The following PIGS variants were observed in gnomAD, a reference collection of about 807,000 sequenced individuals.
PIGS encodes the protein phosphatidylinositol glycan anchor biosynthesis class S, also known as GPI-anchor transamidase component PIGS.
Under a neutral mutation model 58.2 loss-of-function variants are expected in PIGS, and 37 were observed. The ratio of observed to expected loss-of-function variants is 0.64; its 90% CI spans 0.49 to 0.84. PIGS has a LOEUF of 0.84. PIGS is among the 40% of genes least tolerant of loss of function. The pLI, the probability that PIGS is intolerant of heterozygous loss-of-function variation, is 0.00. For missense variants in PIGS, 629 were observed against 710.8 expected (o/e 0.88, Z 1.31); for synonymous variants, 269 against 289.2 (o/e 0.93, Z 0.71).
At chr17:28,571,216 G>A in intron 1 of PIGS, 28 bp from the exon 2 acceptor site, 2 of 1,606,164 alleles carry the variant, frequency 1.2e-6, no homozygotes, top group South Asian at 1.1e-5. Context: ...CGACTGAGGC[G>A]CTGGAAACGG....
intron 3 of PIGS, among the ~76,000 whole-genome samples, chr17:28,568,385 GAGCTACCACATCC>G (rs2070405871): frequency 6.6e-6 from 1 of 152,178 alleles, no homozygotes; most frequent in African/African-American, 2.4e-5. Flanking sequence ...TTACAGGTGT[GAGCTACCACATCC>G]AGCTTTGTCT....
intron 3 of PIGS, among the ~76,000 whole-genome samples, chr17:28,566,593 CT>C (rs959977540): frequency 0.11 from 14,106 of 131,334 alleles, 646 homozygotes; most frequent in African/African-American, 0.15. Flanking sequence ...GCCCAGCCTA[CT>C]TTTTTTTTTT....
chr17:28,556,979 T>C lies in PIGS; in HGVS notation c.935-7A>G. 6.2e-7 allele frequency: 1 copy of C among 1,613,670 alleles called. No homozygotes were observed. Among genetic ancestry groups the C allele is most frequent in the Non-Finnish European group, 8.5e-7 (1 of 1,179,850 alleles). ...AAGGAGGCAGCACTGGATCCTGTGG[T>C]ATAAAGGGAAAGCAGAATATCAAAA... On this transcript the variant is annotated splice_polypyrimidine_tract_variant and splice_region_variant and intron_variant, in intron 8 of 11. Coordinates refer to ENST00000308360, the MANE Select transcript of PIGS (RefSeq NM_033198.4).
intron 6 of PIGS, among the ~76,000 whole-genome samples, chr17:28,561,182 C>T (rs936852225): frequency 8.6e-5 from 13 of 151,780 alleles, no homozygotes; most frequent in Non-Finnish European, 1.9e-4. Context: ...GGCGTGAACC[C>T]GGGAGGCGGA....
chr17:28,569,005 A>C (rs901682839), intron 3 of PIGS, among the ~76,000 whole-genome samples: 10 of 151,818 alleles, frequency 6.6e-5, no homozygotes, highest in Non-Finnish European at 1.0e-4. Flanking sequence ...GCTGAGCCAG[A>C]AGAATCGTTT....
Position 28,571,115 on chromosome 17 carries a change from C to T in PIGS, c.108G>A (p.Trp36Ter), listed in dbSNP as rs1263517814. Residue 36 changes from tryptophan to a stop codon, truncating the protein, a stop_gained, in exon 2 of 12, where the codon TGG becomes TGA. Transcript: ENST00000308360. LOFTEE classifies it high-confidence loss of function. The part of the protein sequence containing the change: ...VAIVLGLPLW[W>*]KTTETYRASL... Reference sequence around the variant, plus strand: ...AGGCCCGGTAGGTCTCCGTGGTCTTCCACCAGAGCGGTAGCCCCAGCACGA... The same window carrying T: ...AGGCCCGGTAGGTCTCCGTGGTCTTTCACCAGAGCGGTAGCCCCAGCACGA... 3 of 1,613,934 alleles carry T rather than the reference C, an allele frequency of 1.9e-6. No individual in the cohort carries two copies. The highest frequency in any genetic ancestry group is 2.5e-6 in the Non-Finnish European group (3 of 1,180,056).
chr17:28,571,185 A>C lies in PIGS; in HGVS notation c.38T>G (p.Val13Gly). Residue 13 changes from valine (V) to glycine (G), a missense_variant, in exon 2 of 12, where the codon GTG becomes GGG. Transcript: ENST00000308360. ...GAGGGCGGCGCGCTTGCCCCGGGCC[A>C]CCTCTGAGGGCATGGGGAACCGACT... is the stretch of plus-strand genomic sequence containing the variant. ...AAGAAATHLE[V>G]ARGKRAALFF... is the part of the protein sequence containing the mutation. The C allele has an allele frequency of 6.2e-7, 1 of 1,612,664 alleles. No homozygotes were observed. The highest frequency in any genetic ancestry group is 8.5e-7 in the Non-Finnish European group (1 of 1,179,688).
chr17:28,566,583 G>A (rs924274131), intron 3 of PIGS, among the ~76,000 whole-genome samples: 6 of 148,736 alleles, frequency 4.0e-5, no homozygotes, highest in African/African-American at 9.9e-5. Flanking sequence ...GAGCCACCGC[G>A]CCCAGCCTAC....
In PIGS at chr17:28,554,136, G is replaced by A. The variant is rs1355337784; in HGVS notation, c.*84C>T. 14 of 1,517,880 alleles carry A rather than the reference G, an allele frequency of 9.2e-6. No individual in the cohort carries two copies. The highest frequency in any genetic ancestry group is 2.8e-5 in the African/African-American group (2 of 72,156). The allele number at this position is 1,517,880 out of a possible 1,614,324, so 94.0% of individuals were successfully genotyped here. A position where few individuals can be genotyped will look rare whatever the true frequency, so the allele number is the denominator to read the frequency against. ...TGGAGACAAATATTTAAGTCATTCC[G>A]GCAGGCCCCATGTACGTGCCTCACA... On this transcript the variant is annotated 3_prime_UTR_variant, in exon 12 of 12. Coordinates refer to ENST00000308360, the MANE Select transcript of PIGS (RefSeq NM_033198.4).
chr17:28,567,867 T>A (rs946983627), intron 3 of PIGS, among the ~76,000 whole-genome samples: 3 of 152,214 alleles, frequency 2.0e-5, no homozygotes, highest in Non-Finnish European at 4.4e-5. Context: ...CACTTGCTCT[T>A]AACTCGGGAC....
At position 28,554,314 on chromosome 17, in the gene PIGS, A is replaced by G. The variant is rs1370022368; in HGVS notation, c.1574T>C (p.Leu525Pro). 6.2e-7 allele frequency: 1 copy of G among 1,614,186 alleles called. No individual in the cohort carries two copies. Among genetic ancestry groups the G allele is most frequent in the East Asian group, 2.2e-5 (1 of 44,884 alleles). Residue 525 changes from leucine to proline, a missense_variant, in exon 12 of 12, where the codon CTC becomes CCC. Coordinates refer to ENST00000308360, the MANE Select transcript of PIGS (RefSeq NM_033198.4). ...DDQKFAIYIP[L>P]FLPMAVPILL... is the part of the protein sequence containing the mutation. ...GATGGGCACAGCCATAGGCAGGAAG[A>G]GTGGGATGTAGATGGCAAACTTCTG...
At chr17:28,557,145 G>C (rs1010461154) in intron 8 of PIGS, 173 bp from the exon 9 acceptor site, 2 of 671,494 alleles carry the variant, frequency 3.0e-6, no homozygotes, top group Admixed American at 6.1e-5. Context: ...ATGTTCTCCC[G>C]AGATGTGCCA....
chr17:28,555,321 G>C (rs953369113), intron 10 of PIGS: 26 of 468,046 alleles, frequency 5.6e-5, no homozygotes, highest in Non-Finnish European at 9.5e-5. Context: ...TTAAAAAAAG[G>C]TTCCATGGCT....
Position 28,554,137 on chromosome 17 carries a change from G to A in PIGS, c.*83C>T. 6.6e-7 allele frequency: 1 copy of A among 1,516,108 alleles called. No individual in the cohort carries two copies. The highest frequency in any genetic ancestry group is 9.0e-7 in the Non-Finnish European group (1 of 1,116,984). The allele number at this position is 1,516,108 out of a possible 1,614,324, so 93.9% of individuals were successfully genotyped here. On this transcript the variant is annotated 3_prime_UTR_variant, in exon 12 of 12. Transcript: ENST00000308360. Reference sequence around the variant, plus strand: ...GGAGACAAATATTTAAGTCATTCCGGCAGGCCCCATGTACGTGCCTCACAA... The same window carrying A: ...GGAGACAAATATTTAAGTCATTCCGACAGGCCCCATGTACGTGCCTCACAA...
At chr17:28,557,126 G>A (rs1249102784) in intron 8 of PIGS, 154 bp from the exon 9 acceptor site, 1 of 779,610 alleles carries the variant, frequency 1.3e-6, no homozygotes, top group Non-Finnish European at 2.0e-6. Flanking sequence ...TCTAGTAAAG[G>A]GCTTCAGAAT....
At chr17:28,567,376 C>T (rs950379357) in intron 3 of PIGS, among the ~76,000 whole-genome samples, 6 of 151,882 alleles carry the variant, frequency 4.0e-5, no homozygotes, top group South Asian at 2.1e-4. Context: ...GGAAGCTACT[C>T]GCCAAATCCC....
At chr17:28,561,273 A>T (rs1034903) in intron 6 of PIGS, 149 bp downstream of exon 6, 187,782 of 493,876 alleles carry the variant, frequency 0.38, 42,049 homozygotes, top group African/African-American at 0.83. Flanking sequence ...AATAACTAAA[A>T]AAAATAATAA....
intron 5 of PIGS, 45 bp downstream of exon 5, chr17:28,563,386 G>A (rs566605737): frequency 1.8e-5 from 27 of 1,488,528 alleles, no homozygotes; most frequent in Non-Finnish European, 2.0e-5. Context: ...AGGAGTCCAC[G>A]AGCTGAAGGG....
intron 10 of PIGS, 190 bp downstream of exon 10, chr17:28,555,976 A>T (rs633274): frequency 0.15 from 86,118 of 574,626 alleles, 7,526 homozygotes; most frequent in Admixed American, 0.19. Flanking sequence ...CTCAAAAAAA[A>T]AAATAAATGA....
Sources: gnomAD v4.1 joint callset for allele counts (sites outside exome capture counted in the v4.1 genomes callset) on GRCh38, gnomAD v4.1.1 for gene constraint, MANE v1.5 for transcripts, NCBI Gene and HGNC (gene_info 2026-07-23, HGNC 2026-07-21) for gene names.